The following ITGA9 variants were observed in gnomAD, a reference collection of about 807,000 sequenced individuals.
ITGA9 encodes integrin subunit alpha 9.
ITGA9 carries 56 observed loss-of-function variants against 127.8 expected under a neutral mutation model. That is an observed-to-expected ratio of 0.44 (90% CI 0.35 to 0.55). ITGA9 has a LOEUF of 0.55. Ranked by LOEUF, ITGA9 falls within the 20% of genes least tolerant of loss-of-function variation. The pLI is 0.00. For missense variants in ITGA9, 1,196 were observed against 1,347.1 expected, an observed-to-expected ratio of 0.89 and a Z score of 1.76; for synonymous variants, 508 against 514.5, an observed-to-expected ratio of 0.99 and a Z score of 0.17.
chr3:37,455,453 C>T (rs1490816003), intron 1 of ITGA9, among the ~76,000 whole-genome samples: 1 of 152,126 alleles, frequency 6.6e-6, no homozygotes, highest in Non-Finnish European at 1.5e-5. Context: ...TTTATTCAGA[C>T]ACTGGAGGCT....
chr3:37,519,396 A>G, intron 11 of ITGA9, 42 bp downstream of exon 11: 1 of 1,473,516 alleles, frequency 6.8e-7, no homozygotes, highest in Non-Finnish European at 9.5e-7. Context: ...TCATACATTC[A>G]TTCAGCAAAC....
chr3:37,501,425 T>C (rs1388526737), intron 5 of ITGA9, among the ~76,000 whole-genome samples: 1 of 152,220 alleles, frequency 6.6e-6, no homozygotes, highest in Non-Finnish European at 1.5e-5. Flanking sequence ...AAAGTCAAGA[T>C]TATTAATTAA....
intron 15 of ITGA9, among the ~76,000 whole-genome samples, chr3:37,602,118 C>T (rs549891939): frequency 2.0e-5 from 3 of 152,294 alleles, no homozygotes; most frequent in African/African-American, 7.2e-5. Flanking sequence ...ATCAGACCCA[C>T]CTCCAACACT....
chr3:37,585,027 C>A (rs1453983170), intron 15 of ITGA9, among the ~76,000 whole-genome samples: 2 of 152,044 alleles, frequency 1.3e-5, no homozygotes, highest in Non-Finnish European at 2.9e-5. Flanking sequence ...GCCATAGTGA[C>A]CATGGCTCTC....
chr3:37,650,623 G>A (rs986631688), intron 16 of ITGA9, among the ~76,000 whole-genome samples: 3 of 151,904 alleles, frequency 2.0e-5, no homozygotes, highest in Non-Finnish European at 4.4e-5. Context: ...GTAGAGACAG[G>A]GTTTCACCAA....
chr3:37,642,321 T>C (rs1280836882), intron 16 of ITGA9, among the ~76,000 whole-genome samples: 2 of 152,222 alleles, frequency 1.3e-5, no homozygotes, highest in Non-Finnish European at 2.9e-5. Context: ...TATTTACCTC[T>C]CTAGAATGGA....
intron 16 of ITGA9, among the ~76,000 whole-genome samples, chr3:37,634,855 A>G (rs1700263074): frequency 1.3e-5 from 2 of 152,194 alleles, no homozygotes; most frequent in African/African-American, 4.8e-5. Context: ...GTAGGCCACA[A>G]AATAAATCTT....
At chr3:37,473,732 G>C (rs1255211710) in intron 3 of ITGA9, among the ~76,000 whole-genome samples, 1 of 152,178 alleles carries the variant, frequency 6.6e-6, no homozygotes, top group Non-Finnish European at 1.5e-5. Flanking sequence ...ATTTGTGTGT[G>C]TGTGTCTTAA....
chr3:37,713,816 G>A (rs1353242680), intron 18 of ITGA9, among the ~76,000 whole-genome samples: 1 of 152,240 alleles, frequency 6.6e-6, no homozygotes, highest in African/African-American at 2.4e-5. Flanking sequence ...CAGCCACACG[G>A]CTGTTTCTGA....
intron 17 of ITGA9, among the ~76,000 whole-genome samples, chr3:37,677,104 T>G (rs910523103): frequency 2.6e-5 from 4 of 152,230 alleles, no homozygotes; most frequent in African/African-American, 9.6e-5. Flanking sequence ...GCAGGTCTTA[T>G]CAACTTCATG....
intron 26 of ITGA9, among the ~76,000 whole-genome samples, chr3:37,802,143 C>T (rs1349440446): frequency 6.6e-6 from 1 of 152,186 alleles, no homozygotes; most frequent in Non-Finnish European, 1.5e-5. Context: ...CAAATATCCT[C>T]TCTGGACCTC....
chr3:37,615,241 T>A (rs1316038142), intron 15 of ITGA9, among the ~76,000 whole-genome samples: 2 of 152,246 alleles, frequency 1.3e-5, no homozygotes, highest in East Asian at 1.9e-4. Flanking sequence ...TTTTTGTCGC[T>A]GGTTCTGTTT....
chr3:37,608,156 A>G (rs549715805), intron 15 of ITGA9, among the ~76,000 whole-genome samples: 29 of 152,312 alleles, frequency 1.9e-4, no homozygotes, highest in African/African-American at 5.3e-4. Flanking sequence ...CTTTATGGCT[A>G]TATTTCCAGA....
chr3:37,568,125 A>G (rs1228874894), intron 15 of ITGA9, among the ~76,000 whole-genome samples: 1 of 152,254 alleles, frequency 6.6e-6, no homozygotes, highest in Non-Finnish European at 1.5e-5. Context: ...ATTTCCATGC[A>G]TCCTCTGAAA....
Position 37,655,317 on chromosome 3 carries a change from T to C in ITGA9, c.1916+1527T>C, listed in dbSNP as rs139392022. 5.4e-3 allele frequency among the ~76,000 whole-genome samples: 817 copies of C among 152,332 alleles called. 5 individuals carry two copies. The highest frequency in any genetic ancestry group is 0.024 in the Middle Eastern group (7 of 294). ...CTAATTTACACTCCCACCAACAGTGTAAAAGCATTCTTATTTCTCCACATC... is the reference window on the plus strand; with the variant it reads ...CTAATTTACACTCCCACCAACAGTGCAAAAGCATTCTTATTTCTCCACATC... On this transcript the variant is annotated intron_variant, in intron 17 of 27. Coordinates refer to ENST00000264741, the MANE Select transcript of ITGA9 (RefSeq NM_002207.3).
At chr3:37,546,575 C>G (rs1699328220) in intron 15 of ITGA9, among the ~76,000 whole-genome samples, 1 of 152,220 alleles carries the variant, frequency 6.6e-6, no homozygotes, top group African/African-American at 2.4e-5. Context: ...CAGCTACTGT[C>G]CTAGGCCCTG....
At chr3:37,559,170 G>A (rs551389166) in intron 15 of ITGA9, among the ~76,000 whole-genome samples, 1 of 152,286 alleles carries the variant, frequency 6.6e-6, no homozygotes, top group South Asian at 2.1e-4. Flanking sequence ...TTCTAAGGAT[G>A]AGTAAAGAGT....
At chr3:37,739,690 A>G (rs1696409025) in intron 20 of ITGA9, among the ~76,000 whole-genome samples, 2 of 152,152 alleles carry the variant, frequency 1.3e-5, no homozygotes, top group East Asian at 3.8e-4. Context: ...AAGCCTTTTG[A>G]TGTTTGACGT....
chr3:37,569,180 TACATGGG>T (rs1350957686), intron 15 of ITGA9, among the ~76,000 whole-genome samples: 10 of 152,190 alleles, frequency 6.6e-5, no homozygotes, highest in Middle Eastern at 3.2e-3. Context: ...AGACATGTCT[TACATGGG>T]TGGCAGCAGG....
Sources: gnomAD v4.1 joint callset for allele counts (sites outside exome capture counted in the v4.1 genomes callset) on GRCh38, gnomAD v4.1.1 for gene constraint, MANE v1.5 for transcripts, NCBI Gene and HGNC (gene_info 2026-07-23, HGNC 2026-07-21) for gene names.